The following MRTFA variants were observed in gnomAD, a reference collection of about 807,000 sequenced individuals.
The protein encoded by MRTFA is myocardin related transcription factor A.
MRTFA carries 20 observed loss-of-function variants against 83.5 expected under a neutral mutation model. That is an observed-to-expected ratio of 0.24 (90% CI 0.17 to 0.35). MRTFA has a LOEUF of 0.35. Among genes scored for constraint, MRTFA ranks in the 10% least tolerant of loss-of-function variants. MRTFA has a pLI of 1.00. For synonymous variants in MRTFA, 659 were observed against 541.2 expected, an observed-to-expected ratio of 1.22 and a Z score of -3.02; for missense variants, 1,200 against 1,224.7, an observed-to-expected ratio of 0.98 and a Z score of 0.30.
intron 3 of MRTFA, among the ~76,000 whole-genome samples, chr22:40,470,276 TATATAA>T (rs1569283508): frequency 2.0e-5 from 2 of 99,288 alleles, no homozygotes; most frequent in African/African-American, 3.7e-5. Flanking sequence ...TATATATATA[TATATAA>T]AGAAACATAA....
At chr22:40,596,344 TAA>T (rs2056192048) in intron 1 of MRTFA, among the ~76,000 whole-genome samples, 1 of 152,128 alleles carries the variant, frequency 6.6e-6, no homozygotes, top group Non-Finnish European at 1.5e-5. Context: ...AATTCCCAAT[TAA>T]ATAAATGAAT....
At chr22:40,454,063 T>C (rs980630584) in intron 4 of MRTFA, among the ~76,000 whole-genome samples, 5 of 152,226 alleles carry the variant, frequency 3.3e-5, no homozygotes, top group African/African-American at 1.2e-4. Context: ...TTATAGCAAT[T>C]GTCTTTTAAT....
intron 3 of MRTFA, among the ~76,000 whole-genome samples, chr22:40,470,247 ATATATATAT>A (rs2053879694): frequency 1.0e-4 from 4 of 39,448 alleles, no homozygotes; most frequent in Admixed American, 1.0e-3. Context: ...ATATATATAT[ATATATATAT>A]ATATATATAT....
intron 12 of MRTFA, 62 bp from the exon 13 acceptor site, chr22:40,417,555 T>G: frequency 1.8e-4 from 16 of 88,074 alleles, no homozygotes; most frequent in South Asian, 6.1e-4. Flanking sequence ...ACCTGCCTTG[T>G]AGGGGGCGGG....
intron 9 of MRTFA, among the ~76,000 whole-genome samples, chr22:40,421,818 G>T (rs901923389): frequency 2.0e-5 from 3 of 152,164 alleles, no homozygotes; most frequent in African/African-American, 7.2e-5. Context: ...ACGGAGAGCC[G>T]AGAAGTTTTG....
At chr22:40,598,914 C>T (rs1171027680) in intron 1 of MRTFA, among the ~76,000 whole-genome samples, 1 of 151,524 alleles carries the variant, frequency 6.6e-6, no homozygotes, top group African/African-American at 2.4e-5. Flanking sequence ...CTGCTTGAAC[C>T]CGGGAGGCAG....
At chr22:40,609,900 T>C (rs947765959) in intron 1 of MRTFA, among the ~76,000 whole-genome samples, 5 of 152,160 alleles carry the variant, frequency 3.3e-5, no homozygotes, top group African/African-American at 9.7e-5. Flanking sequence ...GATAAACGTA[T>C]GTCCTCTTTA....
chr22:40,578,834 G>T (rs938895201), intron 2 of MRTFA, among the ~76,000 whole-genome samples: 1 of 152,108 alleles, frequency 6.6e-6, no homozygotes, highest in African/African-American at 2.4e-5. Flanking sequence ...GAGATGGGAC[G>T]ATCACTTGAG....
chr22:40,629,591 G>A (rs1016681853), intron 1 of MRTFA, among the ~76,000 whole-genome samples: 43 of 150,566 alleles, frequency 2.9e-4, no homozygotes, highest in African/African-American at 1.0e-3. Flanking sequence ...GTGAAACTCC[G>A]TCCCTACTAA....
intron 3 of MRTFA, among the ~76,000 whole-genome samples, chr22:40,550,509 T>C (rs1004966035): frequency 2.6e-5 from 4 of 152,172 alleles, no homozygotes; most frequent in Non-Finnish European, 5.9e-5. Flanking sequence ...TAAAGATCAG[T>C]AGGAAAAAGT....
At chr22:40,437,172 C>A (rs1466944359) in intron 4 of MRTFA, among the ~76,000 whole-genome samples, 1 of 152,160 alleles carries the variant, frequency 6.6e-6, no homozygotes, top group Non-Finnish European at 1.5e-5. Context: ...TGGGCACTAT[C>A]CAGGATTCCC....
chr22:40,562,344 G>A (rs1157103323), intron 2 of MRTFA, among the ~76,000 whole-genome samples: 1 of 151,558 alleles, frequency 6.6e-6, no homozygotes. Flanking sequence ...GGACACCCCA[G>A]ACAAGCCTAG....
rs774126084 is a variant in MRTFA at position 40,417,061 on chromosome 22, A to C, written c.2518-15T>G. The C allele has an allele frequency of 2.4e-5, 15 of 618,430 alleles. No homozygotes were observed. The Middle Eastern group carries it at 4.6e-3, about 190-fold the overall frequency. The allele number at this position is 618,430 out of a possible 1,614,324, so 38.3% of individuals were successfully genotyped here. On this transcript the variant is annotated splice_polypyrimidine_tract_variant and intron_variant, in intron 13 of 14. Coordinates refer to ENST00000355630, the MANE Select transcript of MRTFA (RefSeq NM_020831.6). ...GAACCATTTTCCTGTGGGACAAAGGAAAAAAAAAAAAGAGATAAAAATCTT... is the reference window on the plus strand; with the variant it reads ...GAACCATTTTCCTGTGGGACAAAGGCAAAAAAAAAAAGAGATAAAAATCTT...
chr22:40,575,702 T>C (rs1479282442), intron 2 of MRTFA, among the ~76,000 whole-genome samples: 12 of 152,224 alleles, frequency 7.9e-5, no homozygotes, highest in Admixed American at 7.9e-4. Context: ...CATCTGATTT[T>C]ACAAGCCAAC....
At chr22:40,636,255 C>T (rs765068506) in intron 1 of MRTFA, among the ~76,000 whole-genome samples, 2 of 152,158 alleles carry the variant, frequency 1.3e-5, no homozygotes, top group Non-Finnish European at 2.9e-5. Context: ...CGCCCGCCCG[C>T]CCGGCCCGGC....
At chr22:40,572,410 G>C (rs2055809172) in intron 2 of MRTFA, among the ~76,000 whole-genome samples, 1 of 151,844 alleles carries the variant, frequency 6.6e-6, no homozygotes, top group Admixed American at 6.6e-5. Context: ...AGGAGTTCAA[G>C]GCTACAGTTT....
chr22:40,621,638 C>T (rs755779277), intron 1 of MRTFA, among the ~76,000 whole-genome samples: 5 of 152,020 alleles, frequency 3.3e-5, no homozygotes, highest in Non-Finnish European at 5.9e-5. Flanking sequence ...TTTTAAACAC[C>T]GTGGGCAAAA....
At chr22:40,553,700 C>T (rs1345778393) in intron 2 of MRTFA, among the ~76,000 whole-genome samples, 1 of 152,170 alleles carries the variant, frequency 6.6e-6, no homozygotes, top group African/African-American at 2.4e-5. Context: ...GTATGGAAGG[C>T]AAATGTGGGG....
rs199636804 is a variant in MRTFA, at chr22:40,419,203, G to A, written c.1535C>T (p.Ala512Val). 115 of 1,595,200 alleles carry A rather than the reference G, an allele frequency of 7.2e-5. No homozygotes were observed. Among genetic ancestry groups the A allele is most frequent in the East Asian group, 3.9e-4 (17 of 43,746 alleles). The change falls in exon 12 of 15, where the codon GCG becomes GTG. Residue 512 changes from alanine (A) to valine (V), a missense_variant. This residue lies in a region of MRTFA where 1,107 missense variants were observed against 1,041.8 expected (regional missense o/e 1.06). Coordinates refer to ENST00000355630, the MANE Select transcript of MRTFA (RefSeq NM_020831.6). ...GGCTGGCCCCGTGCTCAGCCGGGCC[G>A]CTGGGAAGGCTACCACCACCTCGCC...
Sources: allele counts gnomAD v4.1 joint callset (sites outside exome capture counted in the v4.1 genomes callset), GRCh38; gene constraint gnomAD v4.1.1; regional missense constraint gnomAD v4.1.1; transcripts MANE v1.5; gene names NCBI Gene and HGNC (gene_info 2026-07-23, HGNC 2026-07-21).